The following DCT variants were observed in gnomAD, a reference collection of about 807,000 sequenced individuals.
DCT encodes the protein L-dopachrome tautomerase.
DCT carries 47 observed loss-of-function variants against 53.0 expected under a neutral mutation model. The observed-to-expected ratio is 0.89, with a 90% CI of 0.70 to 1.13. DCT has a LOEUF of 1.13. Among genes scored for constraint, DCT ranks in the 50% most tolerant of loss-of-function variants. The pLI is 0.00. For missense variants in DCT, 669 were observed against 637.4 expected (o/e 1.05, Z -0.53); for synonymous variants, 244 against 237.0 (o/e 1.03, Z -0.27).
intron 1 of DCT, among the ~76,000 whole-genome samples, chr13:94,476,238 A>G (rs1362207370): frequency 1.9e-5 from 2 of 106,422 alleles, no homozygotes; most frequent in African/African-American, 3.7e-5. Context: ...CTAAGTTCCT[A>G]TTACTTCTAG....
Position 94,452,096 on chromosome 13 carries a change from G to A in DCT, c.1179+7995C>T, listed in dbSNP as rs374547011. 7.2e-5 allele frequency among the ~76,000 whole-genome samples: 11 copies of A among 152,032 alleles called. No homozygotes were observed. The South Asian group carries it at 1.5e-3, about 20-fold the overall frequency. The stretch of plus-strand genomic sequence containing the variant: ...CACCCAGGCTGGAGTGCGATGGCAC[G>A]ATCTTGGCTCACTGCAACCTCCACC... On this transcript the variant is annotated intron_variant, in intron 6 of 7. Transcript: ENST00000377028.
At chr13:94,500,248 A>G in the DCT span, among the ~76,000 whole-genome samples, 1 of 152,210 alleles carries the variant, frequency 6.6e-6, no homozygotes, top group Non-Finnish European at 1.5e-5. Context: ...TGGGTAATTT[A>G]TAAAGAAAAA....
the DCT span, among the ~76,000 whole-genome samples, chr13:94,519,501 A>C: frequency 1.3e-5 from 2 of 152,182 alleles, no homozygotes; most frequent in South Asian, 4.1e-4. Context: ...AAATGACTGT[A>C]TATCAAGAAG....
intron 5 of DCT, among the ~76,000 whole-genome samples, chr13:94,461,538 T>C (rs1336456392): frequency 1.3e-5 from 2 of 152,172 alleles, no homozygotes; most frequent in Non-Finnish European, 2.9e-5. Flanking sequence ...GGTCTTTAAA[T>C]GTTAAGTATT....
chr13:94,494,158 C>T, the DCT span, among the ~76,000 whole-genome samples: 2 of 152,222 alleles, frequency 1.3e-5, no homozygotes, highest in East Asian at 3.9e-4. Flanking sequence ...CAGGATCTCA[C>T]AGCTAGTGCT....
intron 4 of DCT, among the ~76,000 whole-genome samples, chr13:94,465,171 G>T (rs565776187): frequency 2.0e-5 from 3 of 152,060 alleles, no homozygotes; most frequent in African/African-American, 7.2e-5. Flanking sequence ...AATCTATCTC[G>T]TTAATACAAG....
intron 1 of DCT, among the ~76,000 whole-genome samples, chr13:94,470,058 G>C (rs941066256): frequency 1.3e-5 from 2 of 151,910 alleles, no homozygotes; most frequent in African/African-American, 4.8e-5. Flanking sequence ...CTGGGTGACA[G>C]AGCAAGACTC....
chr13:94,449,525 C>T (rs1015910908), intron 6 of DCT, among the ~76,000 whole-genome samples: 11 of 152,326 alleles, frequency 7.2e-5, no homozygotes, highest in African/African-American at 2.6e-4. Context: ...CATGCTATTG[C>T]TCTGGTCCTC....
chr13:94,445,722 C>A (rs1490037253), intron 6 of DCT: 2 of 1,585,618 alleles, frequency 1.3e-6, no homozygotes, highest in Admixed American at 1.8e-5. Flanking sequence ...TGGTTACCAG[C>A]ACATGCAGGG....
At chr13:94,533,706 A>T in the DCT span, among the ~76,000 whole-genome samples, 2 of 152,024 alleles carry the variant, frequency 1.3e-5, no homozygotes, top group African/African-American at 4.8e-5. Flanking sequence ...AATCACTTGA[A>T]CCCAGGAGTT....
At chr13:94,524,783 C>T in the DCT span, among the ~76,000 whole-genome samples, 20 of 152,048 alleles carry the variant, frequency 1.3e-4, no homozygotes, top group Non-Finnish European at 2.8e-4. Flanking sequence ...GTCCCAGTAC[C>T]TAAGAATGTG....
chr13:94,476,178 C>A (rs1885065765), intron 1 of DCT, among the ~76,000 whole-genome samples: 1 of 114,302 alleles, frequency 8.7e-6, no homozygotes, highest in African/African-American at 3.4e-5. Context: ...CAGGGGGAGC[C>A]TCTTTTTTTT....
chr13:94,461,109 T>C (rs1053322764), intron 5 of DCT, among the ~76,000 whole-genome samples: 2 of 152,192 alleles, frequency 1.3e-5, no homozygotes, highest in African/African-American at 2.4e-5. Context: ...TAGTTTTTCA[T>C]TGTGACAAAA....
At chr13:94,442,392 T>C (rs1882389683) in intron 7 of DCT, among the ~76,000 whole-genome samples, 1 of 152,154 alleles carries the variant, frequency 6.6e-6, no homozygotes, top group African/African-American at 2.4e-5. Context: ...CTGTAGCCTC[T>C]ACATCCTGGG....
the DCT span, among the ~76,000 whole-genome samples, chr13:94,502,802 C>T: frequency 2.6e-5 from 4 of 152,088 alleles, no homozygotes; most frequent in South Asian, 2.1e-4. Context: ...GCACTCTCTC[C>T]GAAATCTGTA....
intron 4 of DCT, 188 bp downstream of exon 4, chr13:94,465,445 T>TAG: frequency 2.9e-6 from 1 of 343,134 alleles, no homozygotes; most frequent in Non-Finnish European, 4.9e-6. Flanking sequence ...GTGATTTTGA[T>TAG]ATTTTTTTTT....
chr13:94,448,561 GGTCAAAT>G (rs1882873013), intron 6 of DCT, among the ~76,000 whole-genome samples: 1 of 151,980 alleles, frequency 6.6e-6, no homozygotes, highest in South Asian at 2.1e-4. Flanking sequence ...CTCTGTAAAG[GGTCAAAT>G]GTCATTTGAG....
the DCT span, among the ~76,000 whole-genome samples, chr13:94,503,766 A>C: frequency 2.0e-5 from 3 of 152,186 alleles, no homozygotes; most frequent in Non-Finnish European, 4.4e-5. Flanking sequence ...TGAGAGAATA[A>C]ATTACTGCTG....
At chr13:94,443,257 T>C (rs748778618) in intron 7 of DCT, among the ~76,000 whole-genome samples, 179 bp downstream of exon 7, 42 of 152,344 alleles carry the variant, frequency 2.8e-4, no homozygotes, top group South Asian at 4.1e-4. Flanking sequence ...TGATGTTTAA[T>C]TGGTAGTTTA....
Sources: allele counts gnomAD v4.1 joint callset (sites outside exome capture counted in the v4.1 genomes callset), GRCh38; gene constraint gnomAD v4.1.1; transcripts MANE v1.5; gene names NCBI Gene and HGNC (gene_info 2026-07-23, HGNC 2026-07-21).